Variants in PTPN4 observed in about 807,000 individuals in gnomAD.
PTPN4 encodes the protein protein tyrosine phosphatase non-receptor type 4, also known as tyrosine-protein phosphatase non-receptor type 4.
A neutral mutation model predicts 135.5 loss-of-function variants in PTPN4; 49 were observed. The ratio of observed to expected loss-of-function variants is 0.36; its 90% CI spans 0.29 to 0.46. The LOEUF (loss-of-function observed/expected upper bound fraction) is 0.46, where lower values mean the gene tolerates loss of function less well. PTPN4 is among the 20% of genes least tolerant of loss of function. The probability of loss-of-function intolerance (pLI) is 1.00; values close to 1 mark genes in which losing one functional copy is unlikely to be tolerated. For synonymous variants in PTPN4, 333 were observed against 369.9 expected (o/e 0.90, Z 1.14); for missense variants, 860 against 1,101.0 (o/e 0.78, Z 3.10).
At chr2:119,847,291 C>T (rs1452812265) in intron 2 of PTPN4, among the ~76,000 whole-genome samples, 4 of 94,000 alleles carry the variant, frequency 4.3e-5, no homozygotes, top group East Asian at 2.8e-4. Flanking sequence ...CACACACACA[C>T]ACACACACAC....
At chr2:119,814,082 A>G (rs929918170) in intron 2 of PTPN4, among the ~76,000 whole-genome samples, 1 of 152,012 alleles carries the variant, frequency 6.6e-6, no homozygotes. Flanking sequence ...TATATGTTTT[A>G]TTTTATAAGT....
At position 119,965,418 on chromosome 2, in the gene PTPN4, C is replaced by T. The variant is rs184256502; in HGVS notation, c.2410-79C>T. On this transcript the variant is annotated intron_variant, in intron 24 of 26. Transcript: ENST00000263708. ...TTTCTATCTCCCCCTCCCTTCTTTCCTGATGAATTTTATGAGGTTTGTAGG... is the reference window on the plus strand; with the variant it reads ...TTTCTATCTCCCCCTCCCTTCTTTCTTGATGAATTTTATGAGGTTTGTAGG... 9.1e-5 allele frequency: 123 copies of T among 1,357,848 alleles called. No individual in the cohort carries two copies. The East Asian group carries it at 2.6e-3, about 29-fold the overall frequency. The allele number at this position is 1,357,848 out of a possible 1,614,324, so 84.1% of individuals were successfully genotyped here.
intron 26 of PTPN4, among the ~76,000 whole-genome samples, chr2:119,976,390 TAA>T (rs1679619139): frequency 6.6e-6 from 1 of 152,208 alleles, no homozygotes; most frequent in Non-Finnish European, 1.5e-5. Context: ...CTTTCTTTTA[TAA>T]AGGTAATATA....
intron 18 of PTPN4, among the ~76,000 whole-genome samples, chr2:119,947,439 A>G (rs1679151627): frequency 6.6e-6 from 1 of 152,138 alleles, no homozygotes; most frequent in Non-Finnish European, 1.5e-5. Flanking sequence ...TTGCGAAAAT[A>G]ACAGGGTACT....
chr2:119,913,351 T>G (rs1482945865), intron 10 of PTPN4, among the ~76,000 whole-genome samples: 1 of 152,220 alleles, frequency 6.6e-6, no homozygotes, highest in African/African-American at 2.4e-5. Context: ...TTATCTGCAT[T>G]TTTATTATAA....
chr2:119,881,907 C>A, intron 6 of PTPN4, 77 bp downstream of exon 6: 1 of 1,202,472 alleles, frequency 8.3e-7, no homozygotes, highest in South Asian at 1.4e-5. Context: ...TTAAGTAATT[C>A]ATGGTCATTG....
chr2:119,830,391 A>G lies in PTPN4; in HGVS notation c.138+20400A>G, dbSNP rs143028728. ...GATTGGATCATAAGGGTGGTTTCTCATGAATGGCTTAGCACCATTTCTCTT... is the reference window on the plus strand; with the variant it reads ...GATTGGATCATAAGGGTGGTTTCTCGTGAATGGCTTAGCACCATTTCTCTT... On this transcript the variant is annotated intron_variant, in intron 2 of 26. Coordinates refer to ENST00000263708, the MANE Select transcript of PTPN4 (RefSeq NM_002830.4). 3.1e-3 allele frequency among the ~76,000 whole-genome samples: 475 copies of G among 152,268 alleles called. 2 individuals carry two copies. The highest frequency in any genetic ancestry group is 0.011 in the African/African-American group (450 of 41,554).
At chr2:119,838,081 G>A (rs1426485190) in intron 2 of PTPN4, among the ~76,000 whole-genome samples, 1 of 152,254 alleles carries the variant, frequency 6.6e-6, no homozygotes, top group Non-Finnish European at 1.5e-5. Context: ...CAGATTAATA[G>A]AAGAAGTAGG....
At chr2:119,771,468 A>G (rs1451697309) in intron 1 of PTPN4, 1 of 152,148 alleles carries the variant, frequency 6.6e-6, no homozygotes, top group Non-Finnish European at 1.5e-5. Context: ...CTGTACTCCA[A>G]TCTTGTAGCT....
rs1678633194 is a variant in PTPN4, at chr2:119,915,130, ATTT to A, written c.765-46_765-44del. ...AAACATTTTTTCATAATTTGTTAAT[ATTT>A]TTATCATTATTCAATACTTTGAATA... On this transcript the variant is annotated intron_variant, in intron 10 of 26. Transcript: ENST00000263708. The A allele has an allele frequency of 2.9e-6, 4 of 1,395,748 alleles. No homozygotes were observed. In the African/African-American group the frequency reaches 4.5e-5, roughly 16 times the overall value. The allele number at this position is 1,395,748 out of a possible 1,614,324, so 86.5% of individuals were successfully genotyped here.
intron 1 of PTPN4, among the ~76,000 whole-genome samples, chr2:119,800,598 T>G (rs1691344840): frequency 6.6e-6 from 1 of 152,124 alleles, no homozygotes; most frequent in Non-Finnish European, 1.5e-5. Context: ...GTTGTTGTTT[T>G]TATGAATCAT....
intron 19 of PTPN4, 117 bp from the exon 20 acceptor site, chr2:119,955,040 C>G (rs1008589163): frequency 3.0e-6 from 3 of 989,916 alleles, no homozygotes; most frequent in South Asian, 1.9e-5. Flanking sequence ...TGGTGTAATT[C>G]TTCACAAATG....
chr2:119,933,359 CATTA>C (rs1678933408), intron 14 of PTPN4, among the ~76,000 whole-genome samples: 1 of 152,006 alleles, frequency 6.6e-6, no homozygotes, highest in African/African-American at 2.4e-5. Context: ...GTTTTACACA[CATTA>C]ATGTTTAATA....
chr2:119,951,932 G>T (rs1679216993), intron 18 of PTPN4, 41 bp from the exon 19 acceptor site: 4 of 1,506,586 alleles, frequency 2.7e-6, no homozygotes, highest in Non-Finnish European at 3.6e-6. Flanking sequence ...CTTTCAGAAA[G>T]TTGCATGCCA....
At chr2:119,842,179 T>C (rs1428148856) in intron 2 of PTPN4, among the ~76,000 whole-genome samples, 1 of 152,178 alleles carries the variant, frequency 6.6e-6, no homozygotes, top group Non-Finnish European at 1.5e-5. Flanking sequence ...GTGGAACTTT[T>C]GTTTTGTTTT....
At chr2:119,897,530 TATCCTATAATTATTTAC>T (rs969017905) in intron 9 of PTPN4, among the ~76,000 whole-genome samples, 5 of 152,180 alleles carry the variant, frequency 3.3e-5, no homozygotes, top group Non-Finnish European at 5.9e-5. Flanking sequence ...ACAATTCACA[TATCCTATAATTATTTAC>T]TTGCTTCATG....
At chr2:119,760,953 C>T (rs1316981571) in intron 1 of PTPN4, among the ~76,000 whole-genome samples, 2 of 149,926 alleles carry the variant, frequency 1.3e-5, no homozygotes, top group Non-Finnish European at 3.0e-5. Flanking sequence ...GAACAGCTTA[C>T]AGTTGCACAG....
chr2:119,978,442 T>G lies in PTPN4; in HGVS notation c.*1372T>G, dbSNP rs1262207971. 6.6e-6 allele frequency: 1 copy of G among 152,058 alleles called. No homozygotes were observed. The highest frequency in any genetic ancestry group is 1.5e-5 in the Non-Finnish European group (1 of 67,980). The allele number at this position is 152,058 out of a possible 1,614,324, so 9.4% of individuals were successfully genotyped here. ...TTGAGAATTTTCTTGTTTTTTTGTGTACAATTAAATTATTCCATTTTATAT... is the reference window on the plus strand; with the variant it reads ...TTGAGAATTTTCTTGTTTTTTTGTGGACAATTAAATTATTCCATTTTATAT... On this transcript the variant is annotated 3_prime_UTR_variant, in exon 27 of 27. Transcript: ENST00000263708.
intron 2 of PTPN4, among the ~76,000 whole-genome samples, chr2:119,810,845 C>CT (rs148547503): frequency 0.021 from 3,167 of 151,942 alleles, 60 homozygotes; most frequent in Non-Finnish European, 0.033. Flanking sequence ...TTTCCTGAAC[C>CT]TTTTGAAAGT....
Sources: allele counts gnomAD v4.1 joint callset (sites outside exome capture counted in the v4.1 genomes callset), GRCh38; gene constraint gnomAD v4.1.1; transcripts MANE v1.5; gene names NCBI Gene and HGNC (gene_info 2026-07-23, HGNC 2026-07-21).